Variants in NR2F2 observed in about 807,000 individuals in gnomAD.
The protein encoded by NR2F2 is nuclear receptor subfamily 2 group F member 2.
NR2F2 carries 2 observed loss-of-function variants against 34.8 expected under a neutral mutation model. The observed-to-expected ratio is 0.06, with a 90% CI of 0.02 to 0.18. NR2F2 has a LOEUF of 0.18. NR2F2 is among the 10% of genes least tolerant of loss of function. NR2F2 has a pLI of 1.00. For missense variants in NR2F2, 300 were observed against 580.1 expected (o/e 0.52, Z 4.96); for synonymous variants, 274 against 251.8 (o/e 1.09, Z -0.84).
chr15:96,331,132 C>G lies in NR2F2; in HGVS notation c.-974C>G, dbSNP rs1899127407. On this transcript the variant is annotated 5_prime_UTR_variant, in exon 1 of 3. Transcript: ENST00000394166. ...GCGGCGGCGGCGGCGCTAGACGCAG[C>G]GGCTCCGGGCCCGACCCGGCGGCTT... 1 of 1,127,908 alleles carries G rather than the reference C, an allele frequency of 8.9e-7. No homozygotes were observed. Among genetic ancestry groups the G allele is most frequent in the Non-Finnish European group, 1.1e-6 (1 of 915,956 alleles). 69.9% of individuals were successfully genotyped at this position (1,127,908 alleles called of 1,614,324 possible).
upstream of NR2F2, among the ~76,000 whole-genome samples, chr15:96,329,424 G>A (rs573668820): frequency 1.3e-5 from 2 of 152,306 alleles, no homozygotes; most frequent in South Asian, 4.1e-4. Flanking sequence ...TCTTTTTGCA[G>A]TGACTTCTTG....
rs1899380614 is a variant in NR2F2, at chr15:96,337,818, C to A, written c.*196C>A. 5.2e-5 allele frequency: 12 copies of A among 228,898 alleles called. No individual in the cohort carries two copies. The highest frequency in any genetic ancestry group is 1.3e-4 in the African/African-American group (4 of 29,966). 14.2% of individuals were successfully genotyped at this position (228,898 alleles called of 1,614,324 possible). ...CTGTCAAATGAACTTTTACAGAATGCATTAAAAAAAAAAAAAAACTCCTGT... is the reference window on the plus strand; with the variant it reads ...CTGTCAAATGAACTTTTACAGAATGAATTAAAAAAAAAAAAAAACTCCTGT... On this transcript the variant is annotated 3_prime_UTR_variant, in exon 3 of 3. Coordinates refer to ENST00000394166, the MANE Select transcript of NR2F2 (RefSeq NM_021005.4).
In NR2F2 at chr15:96,333,578, G is replaced by A. The variant is rs951352359; in HGVS notation, c.443-498G>A. 20 of 1,012,096 alleles carry A rather than the reference G, an allele frequency of 2.0e-5. 1 individual carries two copies. In the African/African-American group the frequency reaches 3.1e-4, roughly 16 times the overall value. 62.7% of individuals were successfully genotyped at this position (1,012,096 alleles called of 1,614,324 possible). The stretch of plus-strand genomic sequence containing the variant: ...TCTCTCACTGGGGGGGTTCCCCGCC[G>A]GGCTGGGGCTGGGGCTTCGGGGTTT... On this transcript the variant is annotated intron_variant, in intron 1 of 2. Transcript: ENST00000394166.
At position 96,330,950 on chromosome 15, in the gene NR2F2, G is replaced by T; in HGVS notation, c.-1156G>T. 8.7e-7 allele frequency: 1 copy of T among 1,155,370 alleles called. No homozygotes were observed. The highest frequency in any genetic ancestry group is 3.8e-5 in the East Asian group (1 of 26,584). The allele number at this position is 1,155,370 out of a possible 1,614,324, so 71.6% of individuals were successfully genotyped here. A position where few individuals can be genotyped will look rare whatever the true frequency, so the allele number is the denominator to read the frequency against. On this transcript the variant is annotated 5_prime_UTR_variant, in exon 1 of 3. It adds an upstream start codon to the 5' untranslated region. Coordinates refer to ENST00000394166, the MANE Select transcript of NR2F2 (RefSeq NM_021005.4). ...TTTTTCTCCCCCCTCTGCGCACGAA[G>T]GATGTGCTTCTAGGTGGTGATCTGC...
intron 1 of NR2F2, chr15:96,332,757 C>T (rs1395988208): frequency 2.6e-6 from 3 of 1,144,516 alleles, no homozygotes; most frequent in Admixed American, 3.0e-5. Context: ...TTTACTCTCT[C>T]TTTGGGCTGT....
In NR2F2 at chr15:96,339,362, TGAGA is replaced by T. The variant is rs755630930; in HGVS notation, c.*1744_*1747del. On this transcript the variant is annotated 3_prime_UTR_variant, in exon 3 of 3. Transcript: ENST00000394166. ...TGTGATTCTACTCTAGCGTGGTTGT[TGAGA>T]GAGTTTCAAATTCAGTGATACAGGT... is the stretch of plus-strand genomic sequence containing the variant. 30 of 152,284 alleles carry T rather than the reference TGAGA, an allele frequency of 2.0e-4. No individual in the cohort carries two copies. Among genetic ancestry groups the T allele is most frequent in the African/African-American group, 6.7e-4 (28 of 41,548 alleles). 9.4% of individuals were successfully genotyped at this position (152,284 alleles called of 1,614,324 possible).
chr15:96,331,783 T>A lies in NR2F2; in HGVS notation c.-323T>A. The A allele has an allele frequency of 8.5e-7, 1 of 1,182,670 alleles. No individual in the cohort carries two copies. Among genetic ancestry groups the A allele is most frequent in the South Asian group, 4.4e-5 (1 of 22,800 alleles). 73.3% of individuals were successfully genotyped at this position (1,182,670 alleles called of 1,614,324 possible). On this transcript the variant is annotated 5_prime_UTR_variant, in exon 1 of 3. Transcript: ENST00000394166. ...CTCTTTCTCCACGTTCTGCTCCCAC[T>A]CGCTCTCCTGTCCCCTTCCCCTCCC...
chr15:96,338,310 C>G lies in NR2F2; in HGVS notation c.*688C>G, dbSNP rs1385643366. The G allele has an allele frequency of 5.9e-5, 9 of 152,596 alleles. No individual in the cohort carries two copies. Among genetic ancestry groups the G allele is most frequent in the African/African-American group, 2.2e-4 (9 of 41,434 alleles). 9.5% of individuals were successfully genotyped at this position (152,596 alleles called of 1,614,324 possible). A position where few individuals can be genotyped will look rare whatever the true frequency, so the allele number is the denominator to read the frequency against. On this transcript the variant is annotated 3_prime_UTR_variant, in exon 3 of 3. Coordinates refer to ENST00000394166, the MANE Select transcript of NR2F2 (RefSeq NM_021005.4). Reference sequence around the variant, plus strand: ...TGGAGGAACCACATATAACACTTAACTTCCCCTACCCTGCCCCTCCCCAAA... The same window carrying G: ...TGGAGGAACCACATATAACACTTAAGTTCCCCTACCCTGCCCCTCCCCAAA...
Position 96,332,973 on chromosome 15 carries a change from C to T in NR2F2, c.442+426C>T, listed in dbSNP as rs568313157. ...AAAAAAAAAAAAACCTGAGATTGTA[C>T]TTTTGTACAGGAGGTTCAAATTACA... On this transcript the variant is annotated intron_variant, in intron 1 of 2. Coordinates refer to ENST00000394166, the MANE Select transcript of NR2F2 (RefSeq NM_021005.4). Among the ~76,000 whole-genome samples, 177 of 130,382 alleles carry T rather than the reference C, an allele frequency of 1.4e-3. 3 individuals are homozygous for T. The highest frequency in any genetic ancestry group is 0.014 in the South Asian group (50 of 3,692). 85.5% of individuals were successfully genotyped at this position (130,382 alleles called of 152,430 possible).
intron 2 of NR2F2, among the ~76,000 whole-genome samples, chr15:96,334,916 G>T (rs554074448): frequency 6.6e-6 from 1 of 152,314 alleles, no homozygotes; most frequent in South Asian, 2.1e-4. Flanking sequence ...CCTTTCCTGA[G>T]CCCAGGCCCC....
intron 2 of NR2F2, 143 bp downstream of exon 2, chr15:96,334,746 A>G (rs1353769327): frequency 1.3e-5 from 11 of 863,048 alleles, no homozygotes; most frequent in Admixed American, 1.2e-4. Context: ...GGAACTTTTT[A>G]TAGCTGCTGG....
intron 2 of NR2F2, among the ~76,000 whole-genome samples, chr15:96,336,123 T>C (rs748467562): frequency 3.3e-5 from 5 of 152,164 alleles, no homozygotes; most frequent in African/African-American, 4.8e-5. Flanking sequence ...GTATCATTGC[T>C]AGCTCTTAGC....
chr15:96,340,195 A>C lies in NR2F2; in HGVS notation c.*2573A>C, dbSNP rs1370287522. On this transcript the variant is annotated 3_prime_UTR_variant, in exon 3 of 3. Transcript: ENST00000394166. ...TGTTTGTTTTGTGTTAGTTTATTGT[A>C]AACAGCCATTTGTTGTAAATTATTA... The C allele has an allele frequency of 6.6e-6, 1 of 152,188 alleles. No homozygotes were observed. The highest frequency in any genetic ancestry group is 1.5e-5 in the Non-Finnish European group (1 of 68,042). 9.4% of individuals were successfully genotyped at this position (152,188 alleles called of 1,614,324 possible). A position where few individuals can be genotyped will look rare whatever the true frequency, so the allele number is the denominator to read the frequency against.
chr15:96,332,053 C>A lies in NR2F2; in HGVS notation c.-53C>A. The stretch of plus-strand genomic sequence containing the variant: ...GAGACCCGGGGAGCCGCCGCCGCCC[C>A]GCCGCCGCCCGCAGCCAGGGGAGCA... On this transcript the variant is annotated 5_prime_UTR_variant, in exon 1 of 3. Coordinates refer to ENST00000394166, the MANE Select transcript of NR2F2 (RefSeq NM_021005.4). The A allele has an allele frequency of 7.9e-7, 1 of 1,259,782 alleles. No homozygotes were observed. Among genetic ancestry groups the A allele is most frequent in the Non-Finnish European group, 1.0e-6 (1 of 1,001,670 alleles). The allele number at this position is 1,259,782 out of a possible 1,614,324, so 78.0% of individuals were successfully genotyped here.
chr15:96,329,871 C>T (rs749921555), upstream of NR2F2, among the ~76,000 whole-genome samples: 32 of 151,976 alleles, frequency 2.1e-4, no homozygotes, highest in Non-Finnish European at 3.4e-4. Flanking sequence ...TTCTCAGCAT[C>T]CGAGATGCTT....
chr15:96,327,436 G>A (rs1391089422), upstream of NR2F2: 1 of 152,186 alleles, frequency 6.6e-6, no homozygotes, highest in Non-Finnish European at 1.5e-5. Context: ...TACTGTACTT[G>A]CTCTAATCTT....
At chr15:96,333,540 C>T in intron 1 of NR2F2, 1 of 1,009,178 alleles carries the variant, frequency 9.9e-7, no homozygotes, top group Non-Finnish European at 1.2e-6. Context: ...GCCAGACCTC[C>T]GCTCTCTGCT....
In NR2F2 at chr15:96,334,561, G is replaced by C; in HGVS notation, c.928G>C (p.Ala310Pro). 1 of 1,612,048 alleles carries C rather than the reference G, an allele frequency of 6.2e-7. No homozygotes were observed. The highest frequency in any genetic ancestry group is 1.1e-5 in the South Asian group (1 of 91,034). Residue 310 changes from alanine (A) to proline (P), a missense_variant, in exon 2 of 3, where the codon GCC becomes CCC. By Grantham distance (27) the Ala-to-Pro change is conservative. This residue lies in a region of NR2F2 where 164 missense variants were observed against 365.3 expected (regional missense o/e 0.45). Coordinates refer to ENST00000394166, the MANE Select transcript of NR2F2 (RefSeq NM_021005.4). ...EKLKALHVDS[A>P]EYSCLKAIVL... ...GCTCAAGGCGCTGCACGTTGACTCA[G>C]CCGAGTACAGCTGCCTCAAGGCCAT...
chr15:96,336,921 C>G (rs962041244), intron 2 of NR2F2, among the ~76,000 whole-genome samples: 1 of 152,040 alleles, frequency 6.6e-6, no homozygotes, highest in Non-Finnish European at 1.5e-5. Flanking sequence ...ACCCCCAACC[C>G]CTATATAATT....
Sources: allele counts gnomAD v4.1 joint callset (sites outside exome capture counted in the v4.1 genomes callset), GRCh38; gene constraint gnomAD v4.1.1; regional missense constraint gnomAD v4.1.1; transcripts MANE v1.5; gene names NCBI Gene and HGNC (gene_info 2026-07-23, HGNC 2026-07-21).